PFKFB1: variants seen among roughly 807,000 people sequenced by gnomAD.
PFKFB1 encodes the protein 6-phosphofructo-2-kinase/fructose-2,6-bisphosphatase 1.
In PFKFB1, 34 loss-of-function variants were observed where a neutral mutation model predicts 46.4. The ratio of observed to expected loss-of-function variants is 0.73; its 90% confidence interval spans 0.56 to 0.98. The LOEUF is 0.98. Among genes scored for constraint, PFKFB1 ranks in the 50% least tolerant of loss-of-function variants. The pLI is 0.00. For synonymous variants in PFKFB1, 119 were observed against 133.8 expected (o/e 0.89, Z 0.76); for missense variants, 393 against 376.3 (o/e 1.04, Z -0.37).
Position 54,960,899 on chromosome X carries a change from T to C in PFKFB1, c.242A>G (p.Tyr81Cys), listed in dbSNP as rs1218319769. Residue 81 changes from tyrosine (Y) to cysteine (C), a missense_variant, in exon 3 of 14, where the codon TAT becomes TGT. Coordinates refer to ENST00000375006, the MANE Select transcript of PFKFB1 (RefSeq NM_002625.4). Reference sequence around the variant, plus strand: ...CTTGTAGCTCACTGCCTCTCGTCGATACTGGCCTAAATTAAACACTGAAAG... The same window carrying C: ...CTTGTAGCTCACTGCCTCTCGTCGACACTGGCCTAAATTAAACACTGAAAG... ...TPTKVFNLGQ[Y>C]RREAVSYKNY... 2.5e-6 allele frequency: 3 copies of C among 1,184,763 alleles called. No homozygotes were observed. Among genetic ancestry groups the C allele is most frequent in the African/African-American group, 3.5e-5 (2 of 56,674 alleles).
intron 3 of PFKFB1, among the ~76,000 whole-genome samples, chrX:54,960,321 C>A (rs1272141831): frequency 8.9e-6 from 1 of 112,498 alleles, no homozygotes; most frequent in African/African-American, 3.2e-5. Flanking sequence ...CAGCAAAAAT[C>A]TCTTTAGTGA....
Position 54,993,905 on chromosome X carries a change from A to C in PFKFB1, c.97+6T>G. 1 of 1,201,699 alleles carries C rather than the reference A, an allele frequency of 8.3e-7. No homozygotes were observed. The highest frequency in any genetic ancestry group is 1.1e-6 in the Non-Finnish European group (1 of 890,471). On this transcript the variant is annotated splice_donor_region_variant and intron_variant, in intron 1 of 13. Transcript: ENST00000375006. ...CTTTAAACCCACGGAAGCAAACCCC[A>C]CTTACAGCCCCTTCTCCGTTGCAGC...
intron 1 of PFKFB1, among the ~76,000 whole-genome samples, chrX:54,972,637 C>T (rs1934707438): frequency 9.0e-6 from 1 of 111,624 alleles, no homozygotes; most frequent in Admixed American, 9.5e-5. Context: ...TGCTGGATTA[C>T]ATTTATTGAT....
intron 12 of PFKFB1, 132 bp from the exon 13 acceptor site, chrX:54,934,017 G>A: frequency 4.2e-6 from 2 of 475,494 alleles, no homozygotes; most frequent in South Asian, 3.9e-5. Context: ...TGACTCGCCT[G>A]TATGGAGGAG....
chrX:54,993,619 CAAG>C (rs1935298727), intron 1 of PFKFB1, among the ~76,000 whole-genome samples: 1 of 112,275 alleles, frequency 8.9e-6, no homozygotes, highest in African/African-American at 3.2e-5. Context: ...AAATTCCAAA[CAAG>C]AAGCATTCCA....
chrX:54,937,107 A>G (rs1458893320), intron 11 of PFKFB1, among the ~76,000 whole-genome samples: 2 of 111,503 alleles, frequency 1.8e-5, no homozygotes, highest in African/African-American at 6.5e-5. Flanking sequence ...AAATGAAAAC[A>G]TCACTATCTT....
chrX:54,983,497 G>A (rs921296786), intron 1 of PFKFB1, among the ~76,000 whole-genome samples: 3 of 111,951 alleles, frequency 2.7e-5, no homozygotes, highest in African/African-American at 6.5e-5. Context: ...AGGACATGAT[G>A]TCATTCTTTT....
At chrX:54,959,431 T>C (rs1277403504) in intron 4 of PFKFB1, among the ~76,000 whole-genome samples, 1 of 112,422 alleles carries the variant, frequency 8.9e-6, no homozygotes, top group East Asian at 2.8e-4. Flanking sequence ...AAATATTGAC[T>C]AGATATTTAG....
chrX:54,941,525 A>T (rs1461750121), intron 10 of PFKFB1, among the ~76,000 whole-genome samples: 3 of 112,055 alleles, frequency 2.7e-5, no homozygotes, highest in Non-Finnish European at 3.8e-5. Context: ...GAATGTACAA[A>T]GAACTGAAAC....
chrX:54,971,660 T>C (rs1199994821), intron 1 of PFKFB1, among the ~76,000 whole-genome samples: 1 of 111,932 alleles, frequency 8.9e-6, no homozygotes, highest in Admixed American at 9.5e-5. Flanking sequence ...ATATGCGGCA[T>C]TATTTCTGAG....
upstream of PFKFB1, chrX:54,998,259 T>C (rs998857562): frequency 1.0e-5 from 5 of 491,268 alleles, no homozygotes; most frequent in African/African-American, 1.2e-4. Flanking sequence ...ATAGGTTACA[T>C]ATAGATATAA....
intron 1 of PFKFB1, among the ~76,000 whole-genome samples, chrX:54,974,390 G>GGC (rs1265260858): frequency 9.0e-6 from 1 of 111,064 alleles, no homozygotes; most frequent in Non-Finnish European, 1.9e-5. Flanking sequence ...TGGGATAATT[G>GGC]GCAAGCCACA....
chrX:54,982,852 T>C (rs192788429), intron 1 of PFKFB1, among the ~76,000 whole-genome samples: 1 of 111,660 alleles, frequency 9.0e-6, no homozygotes, highest in African/African-American at 3.2e-5. Flanking sequence ...AAATACATAC[T>C]GACAAAGCAC....
chrX:54,939,538 C>G (rs944498803), intron 10 of PFKFB1, among the ~76,000 whole-genome samples: 9 of 111,375 alleles, frequency 8.1e-5, no homozygotes, highest in African/African-American at 2.6e-4. Context: ...CAAATAGATG[C>G]AATAAAAAAT....
intron 12 of PFKFB1, 137 bp from the exon 13 acceptor site, chrX:54,934,022 G>A: frequency 4.2e-6 from 2 of 473,181 alleles, no homozygotes; most frequent in Non-Finnish European, 7.3e-6. Context: ...CGCCTGTATG[G>A]AGGAGAATTT....
At chrX:54,942,439 G>A (rs1324572313) in intron 10 of PFKFB1, among the ~76,000 whole-genome samples, 1 of 111,656 alleles carries the variant, frequency 9.0e-6, no homozygotes, top group African/African-American at 3.3e-5. Flanking sequence ...CCCTCAGGTG[G>A]GCTGGTGATT....
chrX:54,979,054 C>G (rs942041501), intron 1 of PFKFB1, among the ~76,000 whole-genome samples: 2 of 111,149 alleles, frequency 1.8e-5, no homozygotes, highest in African/African-American at 6.5e-5. Flanking sequence ...AGTAACTTAC[C>G]CATGTTAATT....
rs188758700 is a variant in PFKFB1, at chrX:54,961,121, T to C, written c.224-204A>G. 1.1e-3 allele frequency among the ~76,000 whole-genome samples: 125 copies of C among 111,527 alleles called. 1 individual carries two copies. The highest frequency in any genetic ancestry group is 3.5e-3 in the African/African-American group (109 of 30,751). On this transcript the variant is annotated intron_variant, in intron 2 of 13. Transcript: ENST00000375006. ...GAGATCACTATTACCATTTTATAAA[T>C]GAGGAAACTGAAAGTTCAGAGATAG...
At chrX:54,994,729 G>C, upstream of PFKFB1, 1 of 754,410 alleles carries the variant, frequency 1.3e-6, no homozygotes, top group African/African-American at 2.3e-5. Flanking sequence ...TGCCTTCCTT[G>C]CCACAGGGCC....
Sources: allele counts gnomAD v4.1 joint callset (sites outside exome capture counted in the v4.1 genomes callset), GRCh38; gene constraint gnomAD v4.1.1; transcripts MANE v1.5; gene names NCBI Gene and HGNC (gene_info 2026-07-23, HGNC 2026-07-21).